EXOC2: variants seen among roughly 807,000 people sequenced by gnomAD.
EXOC2 encodes SEC5-like 1.
A neutral mutation model predicts 131.8 loss-of-function variants in EXOC2; 70 were observed. The observed-to-expected ratio is 0.53, with a 90% CI of 0.44 to 0.65. The LOEUF is 0.65. EXOC2 is among the 30% of genes least tolerant of loss of function. The pLI is 0.00. For synonymous variants in EXOC2, 411 were observed against 398.4 expected (o/e 1.03, Z -0.38); for missense variants, 923 against 1,108.6 (o/e 0.83, Z 2.38).
At chr6:534,437 G>GAC (rs1191926104) in intron 22 of EXOC2, among the ~76,000 whole-genome samples, 1 of 149,506 alleles carries the variant, frequency 6.7e-6, no homozygotes, top group Non-Finnish European at 1.5e-5. Context: ...GAGAGACAGA[G>GAC]AGAGAGAGAG....
At chr6:554,018 G>C (rs1401457640) in intron 20 of EXOC2, 98 bp from the exon 21 acceptor site, 1 of 936,298 alleles carries the variant, frequency 1.1e-6, no homozygotes, top group African/African-American at 1.7e-5. Context: ...TGAATTATAT[G>C]GAAAACATTT....
rs114946193 is a variant in EXOC2, at chr6:566,319, G to A, written c.1444-1390C>T. 2.3e-3 allele frequency among the ~76,000 whole-genome samples: 352 copies of A among 152,292 alleles called. 2 individuals are homozygous for A. The highest frequency in any genetic ancestry group is 7.2e-3 in the African/African-American group (301 of 41,572). ...GGCCTACATTAAGAAGAAGGAATGA[G>A]GGGCCAGTGTGCGAGTATGACCAGC... On this transcript the variant is annotated intron_variant, in intron 13 of 27. Transcript: ENST00000230449.
intron 7 of EXOC2, among the ~76,000 whole-genome samples, chr6:608,608 C>A (rs1016249066): frequency 5.9e-5 from 9 of 152,050 alleles, no homozygotes; most frequent in African/African-American, 1.9e-4. Context: ...ATTTTTAATA[C>A]CCCAAGTCCC....
intron 22 of EXOC2, among the ~76,000 whole-genome samples, chr6:547,383 G>A (rs1756922764): frequency 6.6e-6 from 1 of 152,218 alleles, no homozygotes; most frequent in South Asian, 2.1e-4. Flanking sequence ...AGAGGAGTCT[G>A]AGAGAAGGTC....
intron 27 of EXOC2, among the ~76,000 whole-genome samples, chr6:487,653 C>T (rs1182452025): frequency 6.6e-6 from 1 of 152,184 alleles, no homozygotes; most frequent in Non-Finnish European, 1.5e-5. Flanking sequence ...GATCCGCCCA[C>T]CTCAGCCTCC....
intron 17 of EXOC2, among the ~76,000 whole-genome samples, chr6:559,721 A>ACAAT (rs1462977084): frequency 6.6e-6 from 1 of 152,222 alleles, no homozygotes; most frequent in East Asian, 1.9e-4. Flanking sequence ...CTGATATACT[A>ACAAT]CAATCAGGCA....
chr6:595,686 C>A (rs997125544), intron 10 of EXOC2, among the ~76,000 whole-genome samples: 1 of 152,004 alleles, frequency 6.6e-6, no homozygotes, highest in African/African-American at 2.4e-5. Context: ...TAACACACTA[C>A]TATAGGCAAG....
At chr6:492,274 G>A (rs1581285063) in intron 25 of EXOC2, among the ~76,000 whole-genome samples, 1 of 152,212 alleles carries the variant, frequency 6.6e-6, no homozygotes, top group Non-Finnish European at 1.5e-5. Flanking sequence ...AAATAATGGT[G>A]AGGATGTAGA....
In EXOC2 at chr6:539,186, G is replaced by A. The variant is rs562527841; in HGVS notation, c.2239-6576C>T. Reference sequence around the variant, plus strand: ...ATAAGTTCAGGAATATCTGTATTCAGAAATAGACTTACTCACTGAATTCGT... The same window carrying A: ...ATAAGTTCAGGAATATCTGTATTCAAAAATAGACTTACTCACTGAATTCGT... On this transcript the variant is annotated intron_variant, in intron 22 of 27. Coordinates refer to ENST00000230449, the MANE Select transcript of EXOC2 (RefSeq NM_018303.6). Among the ~76,000 whole-genome samples the A allele has an allele frequency of 2.0e-5, 3 of 152,274 alleles. No individual in the cohort carries two copies. The East Asian group carries it at 5.8e-4, about 29-fold the overall frequency.
At chr6:664,232 A>C (rs1472732519) in intron 1 of EXOC2, among the ~76,000 whole-genome samples, 1 of 152,200 alleles carries the variant, frequency 6.6e-6, no homozygotes, top group Non-Finnish European at 1.5e-5. Flanking sequence ...ATACCTAACC[A>C]AAAACAGGTC....
At chr6:529,541 C>G (rs542754037) in intron 23 of EXOC2, among the ~76,000 whole-genome samples, 11 of 152,326 alleles carry the variant, frequency 7.2e-5, no homozygotes, top group Admixed American at 1.3e-4. Context: ...TTATAGTCAT[C>G]ACTGAAGCGC....
chr6:643,183 T>C (rs911703231), intron 1 of EXOC2, among the ~76,000 whole-genome samples: 7 of 152,182 alleles, frequency 4.6e-5, no homozygotes, highest in Non-Finnish European at 8.8e-5. Context: ...AATATTCCCT[T>C]TCAATATTAA....
intron 26 of EXOC2, among the ~76,000 whole-genome samples, chr6:490,197 A>C (rs942373685): frequency 5.9e-5 from 9 of 152,224 alleles, no homozygotes; most frequent in African/African-American, 2.2e-4. Flanking sequence ...TTCTCATTTA[A>C]CACCCTCAAA....
rs759170154 is a variant in EXOC2, at chr6:499,596, CTTTT to C, written c.2436+45_2436+48del. On this transcript the variant is annotated intron_variant, in intron 24 of 27. Transcript: ENST00000230449. The stretch of plus-strand genomic sequence containing the variant: ...AATCAAATTTACATCTTTCTTTTTT[CTTTT>C]TTTTGGTTATCCATATCTCTTAGGA... 10 of 1,477,932 alleles carry C rather than the reference CTTTT, an allele frequency of 6.8e-6. No individual in the cohort carries two copies. The Admixed American group carries it at 2.0e-4, about 29-fold the overall frequency. The allele number at this position is 1,477,932 out of a possible 1,614,324, so 91.6% of individuals were successfully genotyped here.
chr6:589,971 T>C (rs1759444465), intron 11 of EXOC2, among the ~76,000 whole-genome samples: 1 of 152,112 alleles, frequency 6.6e-6, no homozygotes, highest in African/African-American at 2.4e-5. Flanking sequence ...AAAAATTAGC[T>C]AGGCGTGGTA....
At chr6:685,492 G>A (rs545645342) in intron 1 of EXOC2, among the ~76,000 whole-genome samples, 5 of 152,212 alleles carry the variant, frequency 3.3e-5, no homozygotes, top group African/African-American at 1.2e-4. Flanking sequence ...GAAAGGGTTC[G>A]GGAAAATGGT....
chr6:622,732 AG>A (rs1420045245), intron 4 of EXOC2, among the ~76,000 whole-genome samples: 1 of 152,190 alleles, frequency 6.6e-6, no homozygotes, highest in African/African-American at 2.4e-5. Flanking sequence ...CATACAGAAA[AG>A]GCTCTGTCCT....
chr6:611,582 A>G (rs1412426062), intron 6 of EXOC2, among the ~76,000 whole-genome samples: 2 of 152,224 alleles, frequency 1.3e-5, no homozygotes, highest in African/African-American at 4.8e-5. Flanking sequence ...TCTCCACCAC[A>G]GCAGAGCCAC....
intron 22 of EXOC2, among the ~76,000 whole-genome samples, chr6:542,811 G>A (rs1319542018): frequency 6.6e-6 from 1 of 152,174 alleles, no homozygotes; most frequent in Non-Finnish European, 1.5e-5. Context: ...CAGGTGCCCA[G>A]GCTGAATGAT....
Sources: gnomAD v4.1 joint callset for allele counts (sites outside exome capture counted in the v4.1 genomes callset) on GRCh38, gnomAD v4.1.1 for gene constraint, MANE v1.5 for transcripts, NCBI Gene and HGNC (gene_info 2026-07-23, HGNC 2026-07-21) for gene names.